Variants in MPRIP observed in about 807,000 individuals in gnomAD.
MPRIP encodes myosin phosphatase Rho interacting protein, also known as myosin phosphatase Rho-interacting protein.
A neutral mutation model predicts 234.9 loss-of-function variants in MPRIP; 59 were observed. The observed-to-expected ratio is 0.25, with a 90% CI of 0.20 to 0.31. The LOEUF (loss-of-function observed/expected upper bound fraction) is 0.31, where lower values mean the gene tolerates loss of function less well. Among genes scored for constraint, MPRIP ranks in the 10% least tolerant of loss-of-function variants. The pLI is 1.00. For synonymous variants in MPRIP, 1,144 were observed against 1,263.9 expected, an observed-to-expected ratio of 0.91 and a Z score of 2.01; for missense variants, 2,436 against 3,071.0, an observed-to-expected ratio of 0.79 and a Z score of 4.89.
chr17:17,115,909 C>G, intron 3 of MPRIP, among the ~76,000 whole-genome samples: 1 of 152,240 alleles, frequency 6.6e-6, no homozygotes, highest in East Asian at 1.9e-4. Context: ...CAGACAGCTT[C>G]TCTACCTCAT....
At chr17:17,157,833 A>AC (rs1295899623) in intron 13 of MPRIP, among the ~76,000 whole-genome samples, 1 of 152,082 alleles carries the variant, frequency 6.6e-6, no homozygotes, top group African/African-American at 2.4e-5. Context: ...CATCTCAAAA[A>AC]AAAAAAAAAC....
chr17:17,122,055 TCTG>T (rs749337244), intron 3 of MPRIP, among the ~76,000 whole-genome samples: 9 of 152,232 alleles, frequency 5.9e-5, no homozygotes, highest in Non-Finnish European at 1.2e-4. Context: ...CTTTCTCTGG[TCTG>T]TATCATTGAT....
intron 3 of MPRIP, among the ~76,000 whole-genome samples, chr17:17,086,570 G>C (rs886203936): frequency 9.2e-5 from 14 of 152,302 alleles, no homozygotes; most frequent in Admixed American, 1.3e-4. Flanking sequence ...GCTTCCTGTA[G>C]GCCACTTTGC....
chr17:17,111,110 A>G (rs778499777), intron 3 of MPRIP, among the ~76,000 whole-genome samples: 33 of 151,430 alleles, frequency 2.2e-4, no homozygotes, highest in African/African-American at 8.0e-4. Flanking sequence ...GTAAATGTGA[A>G]TCTATTCTGA....
chr17:17,078,732 C>G lies in MPRIP; in HGVS notation c.267+656C>G, dbSNP rs150064509. Among the ~76,000 whole-genome samples the G allele has an allele frequency of 6.6e-6, 1 of 152,304 alleles. No homozygotes were observed. Among genetic ancestry groups the G allele is most frequent in the East Asian group, 1.9e-4 (1 of 5,184 alleles). ...CAACTAGGTGGAATTTCTGGCTTTT[C>G]TTTTTCCACCCATTTTATCTCCTGA... On this transcript the variant is annotated intron_variant, in intron 3 of 23. Transcript: ENST00000651222. The surrounding 1 kb of genome is among the most constrained non-coding windows in gnomAD (Gnocchi z 4.3).
At chr17:17,151,464 C>T (rs938253500) in intron 12 of MPRIP, among the ~76,000 whole-genome samples, 7 of 152,106 alleles carry the variant, frequency 4.6e-5, no homozygotes, top group Non-Finnish European at 7.3e-5. Flanking sequence ...ACCTGAGCCC[C>T]GGTGTTGAGT....
rs1004912866 is a variant in MPRIP, at chr17:17,188,573, A to G, written c.*3679A>G. 5.3e-5 allele frequency: 8 copies of G among 152,268 alleles called. No individual in the cohort carries two copies. Among genetic ancestry groups the G allele is most frequent in the Non-Finnish European group, 8.8e-5 (6 of 68,054 alleles). 9.4% of individuals were successfully genotyped at this position (152,268 alleles called of 1,614,324 possible). A position where few individuals can be genotyped will look rare whatever the true frequency, so the allele number is the denominator to read the frequency against. Reference sequence around the variant, plus strand: ...GAATCTCAGAATGTGCCTGAAAGGAATACTGACAGATAAGGCCGGAAACAA... The same window carrying G: ...GAATCTCAGAATGTGCCTGAAAGGAGTACTGACAGATAAGGCCGGAAACAA... On this transcript the variant is annotated 3_prime_UTR_variant, in exon 24 of 24. Transcript: ENST00000651222.
At chr17:17,088,352 G>A (rs1208728691) in intron 3 of MPRIP, among the ~76,000 whole-genome samples, 1 of 152,322 alleles carries the variant, frequency 6.6e-6, no homozygotes. Context: ...TCGTGATAAC[G>A]TACTGGGCGT....
intron 23 of MPRIP, chr17:17,183,041 G>A (rs886763330): frequency 1.3e-5 from 2 of 152,336 alleles, no homozygotes; most frequent in African/African-American, 2.4e-5. Context: ...GACCCCCCAA[G>A]GGCACCTGGA....
intron 1 of MPRIP, among the ~76,000 whole-genome samples, chr17:17,062,577 C>T (rs910531964): frequency 6.6e-6 from 1 of 152,216 alleles, no homozygotes; most frequent in Non-Finnish European, 1.5e-5. Context: ...TTCTGTTGCA[C>T]ACTTCCAGGG....
intron 1 of MPRIP, among the ~76,000 whole-genome samples, chr17:17,045,265 T>C (rs1204923102): frequency 1.3e-5 from 2 of 152,190 alleles, no homozygotes; most frequent in Admixed American, 6.5e-5. Context: ...GCTCTGGAGA[T>C]GTCATCTTCC....
In MPRIP at chr17:17,078,170, A is replaced by T; in HGVS notation, c.267+94A>T. ...GTTGTCATGTGAGAGCACAGCAGCC[A>T]TGTGCTCCTGCTTGTGTCTGTTTGG... On this transcript the variant is annotated intron_variant, in intron 3 of 23. Coordinates refer to ENST00000651222, the MANE Select transcript of MPRIP (RefSeq NM_001364716.4). This position sits in a 1 kb window ranked among gnomAD's most constrained non-coding sequence, Gnocchi z 4.3. The T allele has an allele frequency of 1.6e-6, 2 of 1,254,390 alleles. No individual in the cohort carries two copies. Among genetic ancestry groups the T allele is most frequent in the Non-Finnish European group, 2.3e-6 (2 of 860,162 alleles). 77.7% of individuals were successfully genotyped at this position (1,254,390 alleles called of 1,614,324 possible).
rs1597539201 is a variant in MPRIP, at chr17:17,185,641, T to A, written c.*747T>A. 1 of 439,126 alleles carries A rather than the reference T, an allele frequency of 2.3e-6. No homozygotes were observed. The highest frequency in any genetic ancestry group is 7.3e-5 in the East Asian group (1 of 13,754). The allele number at this position is 439,126 out of a possible 1,614,324, so 27.2% of individuals were successfully genotyped here. ...GTCTCCAGTAACCCTGGTCTTTTCA[T>A]AACTGCTCGAGATTGTTGACCTGCA... is the stretch of plus-strand genomic sequence containing the variant. On this transcript the variant is annotated 3_prime_UTR_variant, in exon 24 of 24. Transcript: ENST00000651222.
Position 17,192,247 on chromosome 17 carries a change from G to A in MPRIP, c.*7353G>A, listed in dbSNP as rs1375928232. ...TTCATTTCTGTTCTAATGCTAAGTG[G>A]TAACGCTTAACAAACAGACTAAAAG... is the stretch of plus-strand genomic sequence containing the variant. On this transcript the variant is annotated 3_prime_UTR_variant, in exon 24 of 24. Coordinates refer to ENST00000651222, the MANE Select transcript of MPRIP (RefSeq NM_001364716.4). 1.3e-5 allele frequency: 2 copies of A among 152,088 alleles called. No homozygotes were observed. The highest frequency in any genetic ancestry group is 1.3e-4 in the Admixed American group (2 of 15,252). 9.4% of individuals were successfully genotyped at this position (152,088 alleles called of 1,614,324 possible).
chr17:17,050,240 G>A (rs1389671169), intron 1 of MPRIP, among the ~76,000 whole-genome samples: 1 of 151,052 alleles, frequency 6.6e-6, no homozygotes, highest in African/African-American at 2.4e-5. Context: ...GTGTGAACCC[G>A]GGAGGCGGAG....
intron 3 of MPRIP, among the ~76,000 whole-genome samples, chr17:17,104,490 G>T (rs1019640662): frequency 6.6e-6 from 1 of 152,136 alleles, no homozygotes. Context: ...CTGGGTGGCC[G>T]TGTCTTTCAT....
chr17:17,137,267 A>G (rs2090720777), intron 6 of MPRIP, among the ~76,000 whole-genome samples: 1 of 152,092 alleles, frequency 6.6e-6, no homozygotes, highest in Non-Finnish European at 1.5e-5. Context: ...TAATCCCAGC[A>G]CTTTGGGAGG....
chr17:17,184,493 C>G (rs1198622956), intron 23 of MPRIP, among the ~76,000 whole-genome samples: 1 of 152,246 alleles, frequency 6.6e-6, no homozygotes, highest in Non-Finnish European at 1.5e-5. Flanking sequence ...GGGCAGTCTC[C>G]TTGCTCATTG....
At chr17:17,091,371 C>A (rs1348052744) in intron 3 of MPRIP, among the ~76,000 whole-genome samples, 2 of 152,106 alleles carry the variant, frequency 1.3e-5, no homozygotes, top group African/African-American at 4.8e-5. Context: ...GCAGGGTCCC[C>A]ACTATCACTC....
Sources: gnomAD v4.1 joint callset for allele counts (sites outside exome capture counted in the v4.1 genomes callset) on GRCh38, gnomAD v4.1.1 for gene constraint, Gnocchi (gnomAD v3.1) non-coding constraint, MANE v1.5 for transcripts, NCBI Gene and HGNC (gene_info 2026-07-23, HGNC 2026-07-21) for gene names.